ZNF600: variants seen among roughly 807,000 people sequenced by gnomAD.
The protein encoded by ZNF600 is zinc finger protein KR-ZNF1.
In ZNF600, 4 loss-of-function variants were observed where a neutral mutation model predicts 7.3. The observed-to-expected ratio is 0.55, with a 90% CI of 0.27 to 1.25. The LOEUF (loss-of-function observed/expected upper bound fraction) is 1.25. Ranked by LOEUF, ZNF600 falls within the 50% of genes most tolerant of loss-of-function variation. ZNF600 has a pLI of 0.12. For synonymous variants in ZNF600, 290 were observed against 308.9 expected (o/e 0.94, Z 0.64); for missense variants, 911 against 922.1 (o/e 0.99, Z 0.16).
exon 4 of ZNF600, chr19:52,766,838 T>G (rs767791703): frequency 6.2e-7 from 1 of 1,614,146 alleles, no homozygotes; most frequent in Non-Finnish European, 8.5e-7. Context: ...CTTTGTCACA[T>G]TCTTCACATT....
At chr19:52,817,984 C>T in the ZNF600 span, 8 of 1,610,710 alleles carry the variant, frequency 5.0e-6, no homozygotes, top group South Asian at 1.1e-5. Flanking sequence ...TTTCCTCTTC[C>T]TCTTCTGGGT....
chr19:52,830,458 C>T, the ZNF600 span, among the ~76,000 whole-genome samples: 1 of 151,998 alleles, frequency 6.6e-6, no homozygotes, highest in Non-Finnish European at 1.5e-5. Flanking sequence ...CAATAGTCCA[C>T]CAAGAAAGTA....
At chr19:52,808,270 A>G in the ZNF600 span, 1 of 1,485,552 alleles carries the variant, frequency 6.7e-7, no homozygotes, top group Admixed American at 2.3e-5. Context: ...TTTTCACCAC[A>G]TGATGTTTTT....
chr19:52,810,262 G>A, the ZNF600 span: 1 of 1,359,282 alleles, frequency 7.4e-7, no homozygotes. Flanking sequence ...GGCAATGCTG[G>A]CCCAGTGATC....
chr19:52,810,605 A>G, the ZNF600 span: 5 of 1,512,372 alleles, frequency 3.3e-6, 1 homozygote, highest in Non-Finnish European at 4.6e-6. Context: ...ACCACCAACT[A>G]CAGCAGTTCC....
At chr19:52,812,247 G>A in the ZNF600 span, among the ~76,000 whole-genome samples, 2 of 137,520 alleles carry the variant, frequency 1.5e-5, no homozygotes, top group Non-Finnish European at 3.0e-5. Context: ...GCCCGGCCAC[G>A]ACCCCGTCTG....
At chr19:52,812,359 T>C in the ZNF600 span, among the ~76,000 whole-genome samples, 2 of 141,242 alleles carry the variant, frequency 1.4e-5, no homozygotes, top group East Asian at 3.9e-4. Context: ...AGAAATCGGA[T>C]GATTGCCGGG....
chr19:52,790,888 A>G (rs2062789459), upstream of ZNF600, among the ~76,000 whole-genome samples: 1 of 151,904 alleles, frequency 6.6e-6, no homozygotes, highest in Admixed American at 6.6e-5. Context: ...ACCATGTGGG[A>G]CAGGCTGGTC....
chr19:52,822,240 T>C, the ZNF600 span, among the ~76,000 whole-genome samples: 1 of 151,788 alleles, frequency 6.6e-6, no homozygotes, highest in Non-Finnish European at 1.5e-5. Flanking sequence ...CCCGGTTAAT[T>C]TTTGTATTTT....
At chr19:52,809,993 G>A in the ZNF600 span, 4 of 765,324 alleles carry the variant, frequency 5.2e-6, no homozygotes, top group Non-Finnish European at 9.3e-6. Flanking sequence ...AGGAACTGGA[G>A]CCTGAGGAGC....
chr19:52,785,130 C>T (rs1445425227), intron 1 of ZNF600, among the ~76,000 whole-genome samples: 1 of 151,814 alleles, frequency 6.6e-6, no homozygotes, highest in East Asian at 1.9e-4. Context: ...TTTCTTTTTC[C>T]CTGGGATTGT....
At chr19:52,820,533 TA>T in the ZNF600 span, among the ~76,000 whole-genome samples, 47 of 152,190 alleles carry the variant, frequency 3.1e-4, no homozygotes, top group African/African-American at 9.9e-4. Context: ...TTCTCTGTTA[TA>T]ACCCCCTGGA....
At chr19:52,804,104 A>G in the ZNF600 span, among the ~76,000 whole-genome samples, 1 of 152,194 alleles carries the variant, frequency 6.6e-6, no homozygotes, top group Non-Finnish European at 1.5e-5. Context: ...GCATTTATAG[A>G]GACATTAAAG....
chr19:52,777,751 A>T (rs2062687753), intron 2 of ZNF600, among the ~76,000 whole-genome samples: 1 of 151,928 alleles, frequency 6.6e-6, no homozygotes, highest in Non-Finnish European at 1.5e-5. Flanking sequence ...ATTGCTTGAA[A>T]CTGGGAGATG....
chr19:52,817,895 G>A, the ZNF600 span: 42 of 1,608,604 alleles, frequency 2.6e-5, no homozygotes, highest in African/African-American at 2.4e-4. Flanking sequence ...AAGGCCCAGC[G>A]TTTCTGAAAG....
the ZNF600 span, chr19:52,810,622 C>G: frequency 6.9e-7 from 1 of 1,443,252 alleles, no homozygotes. Flanking sequence ...TTCCTGCTCT[C>G]CATTCTACAG....
the ZNF600 span, among the ~76,000 whole-genome samples, chr19:52,812,377 G>A: frequency 7.1e-6 from 1 of 140,124 alleles, no homozygotes; most frequent in Non-Finnish European, 1.5e-5. Context: ...GGGTCTGTGT[G>A]GATAGAAGTA....
chr19:52,801,127 C>G, the ZNF600 span: 1 of 1,614,044 alleles, frequency 6.2e-7, no homozygotes, highest in Non-Finnish European at 8.5e-7. Context: ...CATTGTTTCT[C>G]TTCTAAGTGG....
chr19:52,824,568 G>A, the ZNF600 span, among the ~76,000 whole-genome samples: 1 of 152,166 alleles, frequency 6.6e-6, no homozygotes, highest in African/African-American at 2.4e-5. Context: ...CTGGGAGGCA[G>A]AGGTTGCAGT....
Sources: allele counts gnomAD v4.1 joint callset (sites outside exome capture counted in the v4.1 genomes callset), GRCh38; gene constraint gnomAD v4.1.1; transcripts MANE v1.5; gene names NCBI Gene and HGNC (gene_info 2026-07-23, HGNC 2026-07-21).